Variants in SH3RF3 observed in about 807,000 individuals in gnomAD.
The protein encoded by SH3RF3 is SH3 domain containing ring finger 3, also known as E3 ubiquitin-protein ligase SH3RF3.
In SH3RF3, 29 loss-of-function variants were observed where a neutral mutation model predicts 66.3. The ratio of observed to expected loss-of-function variants is 0.44; its 90% CI spans 0.33 to 0.60. SH3RF3 has a LOEUF of 0.60. Among genes scored for constraint, SH3RF3 ranks in the 20% least tolerant of loss-of-function variants. The probability of loss-of-function intolerance (pLI) is 0.04; values close to 1 mark genes in which losing one functional copy is unlikely to be tolerated. For missense variants in SH3RF3, 1,194 were observed against 1,190.9 expected (o/e 1.00, Z -0.04); for synonymous variants, 583 against 532.0 (o/e 1.10, Z -1.32).
chr2:109,373,055 C>T (rs749589908), intron 3 of SH3RF3, among the ~76,000 whole-genome samples: 1 of 152,168 alleles, frequency 6.6e-6, no homozygotes, highest in Non-Finnish European at 1.5e-5. Context: ...CAGTGGTTCT[C>T]GCACATTTAG....
chr2:109,228,752 C>G (rs773780699), intron 1 of SH3RF3, among the ~76,000 whole-genome samples: 11 of 152,142 alleles, frequency 7.2e-5, no homozygotes, highest in Non-Finnish European at 1.2e-4. Context: ...GTCCTGAGCA[C>G]AGGGGCTTCC....
intron 2 of SH3RF3, among the ~76,000 whole-genome samples, chr2:109,357,276 G>A (rs1186996623): frequency 6.6e-6 from 1 of 151,842 alleles, no homozygotes; most frequent in Non-Finnish European, 1.5e-5. Context: ...CCGCCTCCCA[G>A]GCTCATGCCA....
chr2:109,147,622 C>T (rs939324707), intron 1 of SH3RF3, among the ~76,000 whole-genome samples: 19 of 152,216 alleles, frequency 1.2e-4, no homozygotes, highest in Non-Finnish European at 2.1e-4. Flanking sequence ...AGCGTGTTAT[C>T]GATTCCCAGT....
At chr2:109,262,960 G>A (rs976493894) in intron 1 of SH3RF3, among the ~76,000 whole-genome samples, 1 of 151,900 alleles carries the variant, frequency 6.6e-6, no homozygotes, top group Non-Finnish European at 1.5e-5. Flanking sequence ...AGCCTCCCAC[G>A]TAGCTGGGAG....
intron 9 of SH3RF3, among the ~76,000 whole-genome samples, chr2:109,499,300 C>T (rs994867154): frequency 2.2e-4 from 34 of 152,188 alleles, no homozygotes; most frequent in Admixed American, 1.5e-3. Context: ...AGGCCCATCT[C>T]GGTGCTGCTC....
At chr2:109,251,394 G>A (rs1680088670) in intron 1 of SH3RF3, 3 of 681,260 alleles carry the variant, frequency 4.4e-6, no homozygotes, top group African/African-American at 1.8e-5. Context: ...CCTTTCCAAG[G>A]CATCTGTGAG....
chr2:109,266,011 G>A (rs1044481520), intron 1 of SH3RF3, among the ~76,000 whole-genome samples: 2 of 152,170 alleles, frequency 1.3e-5, no homozygotes, highest in African/African-American at 2.4e-5. Flanking sequence ...ATGTGCATGT[G>A]TGTGTATTGT....
intron 7 of SH3RF3, among the ~76,000 whole-genome samples, chr2:109,442,321 A>G (rs1271785982): frequency 1.3e-5 from 2 of 151,980 alleles, no homozygotes; most frequent in Non-Finnish European, 1.5e-5. Context: ...AAAAAAAAAA[A>G]AAAAAGAAAA....
chr2:109,178,413 CT>C (rs199607359), intron 1 of SH3RF3, among the ~76,000 whole-genome samples: 2 of 151,836 alleles, frequency 1.3e-5, no homozygotes, highest in Non-Finnish European at 2.9e-5. Context: ...CTTTAGTTTC[CT>C]TTTTTTTATT....
In SH3RF3 at chr2:109,449,096, T is replaced by C. The variant is rs905107863; in HGVS notation, c.1829-74T>C. On this transcript the variant is annotated intron_variant, in intron 7 of 9. Transcript: ENST00000309415. ...CTCGAGAAGGGAGCCTGAGTGTGCA[T>C]TGCAGCTGCCTGGCAGGCATGGCAA... 40 of 1,517,984 alleles carry C rather than the reference T, an allele frequency of 2.6e-5. 2 individuals carry two copies. In the Admixed American group the frequency reaches 6.7e-4, roughly 25 times the overall value. The allele number at this position is 1,517,984 out of a possible 1,614,324, so 94.0% of individuals were successfully genotyped here.
intron 4 of SH3RF3, among the ~76,000 whole-genome samples, chr2:109,400,572 TGCGC>T (rs1676284604): frequency 9.0e-6 from 1 of 111,388 alleles, no homozygotes; most frequent in African/African-American, 2.9e-5. Context: ...TACACACCTG[TGCGC>T]ACACACACAC....
Position 109,437,121 on chromosome 2 carries a change from C to A in SH3RF3, c.1803C>A (p.Ser601Arg), listed in dbSNP as rs1677426856. The change falls in exon 7 of 10, where the codon AGC becomes AGA. Residue 601 changes from serine to arginine, a missense_variant. Transcript: ENST00000309415. ...GGCACTCAGCCCAGCCAACGGCCAG[C>A]CAAGCCCGGAGCACCATTTCAACAG... ...CLRHSAQPTA[S>R]QARSTISTAA... The A allele has an allele frequency of 6.2e-7, 1 of 1,612,244 alleles. No individual in the cohort carries two copies. Among genetic ancestry groups the A allele is most frequent in the Non-Finnish European group, 8.5e-7 (1 of 1,178,938 alleles).
At chr2:109,394,848 A>G (rs888732197) in intron 3 of SH3RF3, among the ~76,000 whole-genome samples, 1 of 152,224 alleles carries the variant, frequency 6.6e-6, no homozygotes, top group Non-Finnish European at 1.5e-5. Context: ...CCTGTGCGCG[A>G]GACGAGTCTG....
intron 1 of SH3RF3, among the ~76,000 whole-genome samples, chr2:109,320,236 G>C (rs550726897): frequency 9.8e-5 from 15 of 152,324 alleles, no homozygotes; most frequent in Middle Eastern, 3.4e-3. Flanking sequence ...TTTGAGGGCT[G>C]CTTTCCGGGC....
intron 1 of SH3RF3, among the ~76,000 whole-genome samples, chr2:109,210,328 A>G (rs1034886025): frequency 6.6e-6 from 1 of 152,220 alleles, no homozygotes; most frequent in Non-Finnish European, 1.5e-5. Context: ...CCTAAAAATG[A>G]TATTTCAAGA....
chr2:109,360,112 C>T (rs946574421), intron 2 of SH3RF3, among the ~76,000 whole-genome samples: 12 of 151,208 alleles, frequency 7.9e-5, no homozygotes, highest in Non-Finnish European at 1.5e-4. Context: ...CAAAGCACAG[C>T]ATCATAGGTA....
chr2:109,249,849 T>A (rs1416294654), intron 1 of SH3RF3, among the ~76,000 whole-genome samples: 1 of 151,446 alleles, frequency 6.6e-6, no homozygotes, highest in Non-Finnish European at 1.5e-5. Context: ...ATTTATTTTT[T>A]AATTTTTTTA....
intron 3 of SH3RF3, among the ~76,000 whole-genome samples, chr2:109,384,817 G>A (rs1458404326): frequency 6.6e-6 from 1 of 152,192 alleles, no homozygotes; most frequent in African/African-American, 2.4e-5. Flanking sequence ...GATGTGGGCA[G>A]AAGGCCTCAG....
At chr2:109,485,706 G>T (rs938979692) in intron 8 of SH3RF3, among the ~76,000 whole-genome samples, 5 of 152,238 alleles carry the variant, frequency 3.3e-5, no homozygotes, top group Non-Finnish European at 5.9e-5. Context: ...CAGGCTTCAG[G>T]CTGTGTGTGT....
Sources: gnomAD v4.1 joint callset for allele counts (sites outside exome capture counted in the v4.1 genomes callset) on GRCh38, gnomAD v4.1.1 for gene constraint, MANE v1.5 for transcripts, NCBI Gene and HGNC (gene_info 2026-07-23, HGNC 2026-07-21) for gene names.